Variants in MOGAT2 observed in about 807,000 individuals in gnomAD.
MOGAT2 encodes the protein monoacylglycerol O-acyltransferase 2, also known as 2-acylglycerol O-acyltransferase 2.
MOGAT2 carries 27 observed loss-of-function variants against 31.5 expected under a neutral mutation model. That is an observed-to-expected ratio of 0.86 (90% CI 0.63 to 1.18). MOGAT2 has a LOEUF of 1.18. Among genes scored for constraint, MOGAT2 ranks in the 50% most tolerant of loss-of-function variants. MOGAT2 has a pLI of 0.00. For missense variants in MOGAT2, 436 were observed against 433.2 expected (o/e 1.01, Z -0.06); for synonymous variants, 163 against 170.0 (o/e 0.96, Z 0.32).
rs56400236 is a variant in MOGAT2, at chr11:75,725,547, CATAA to C, written c.271-1857_271-1854del. On this transcript the variant is annotated intron_variant, in intron 2 of 5. Transcript: ENST00000198801. ...TGGGCAACAGAGTGAGACTCTGTCTCATAAATAAATAAATAAATAAATAAATAAA... is the reference window on the plus strand; with the variant it reads ...TGGGCAACAGAGTGAGACTCTGTCTCATAAATAAATAAATAAATAAATAAA... Among the ~76,000 whole-genome samples the C allele has an allele frequency of 5.2e-3, 768 of 146,586 alleles. 6 individuals are homozygous for C. Among genetic ancestry groups the C allele is most frequent in the African/African-American group, 0.017 (676 of 39,212 alleles).
Position 75,732,605 on chromosome 11 carries a change from T to G in MOGAT2, c.*1319T>G, listed in dbSNP as rs1316777415. On this transcript the variant is annotated 3_prime_UTR_variant, in exon 6 of 6. Transcript: ENST00000198801. The stretch of plus-strand genomic sequence containing the variant: ...ATCACTCGGAACCATTTGCATTTCT[T>G]TGTCTCAGCTATATTGTCTCACCTC... 1 of 152,350 alleles carries G rather than the reference T, an allele frequency of 6.6e-6. No homozygotes were observed. Among genetic ancestry groups the G allele is most frequent in the Non-Finnish European group, 1.5e-5 (1 of 68,128 alleles). The allele number at this position is 152,350 out of a possible 1,614,324, so 9.4% of individuals were successfully genotyped here.
At chr11:75,729,020 G>T in intron 5 of MOGAT2, 31 bp downstream of exon 5, 1 of 1,607,700 alleles carries the variant, frequency 6.2e-7, no homozygotes, top group Non-Finnish European at 8.5e-7. Context: ...GGAGGGAGGA[G>T]GCCAAAGGGA....
chr11:75,731,367 A>G lies in MOGAT2; in HGVS notation c.*81A>G. Reference sequence around the variant, plus strand: ...GACTTCCTGGAGGTGTTTGTTGAACATATCTGCAGAGCCTTCCCAGACTCC... The same window carrying G: ...GACTTCCTGGAGGTGTTTGTTGAACGTATCTGCAGAGCCTTCCCAGACTCC... On this transcript the variant is annotated 3_prime_UTR_variant, in exon 6 of 6. Transcript: ENST00000198801. 6.7e-7 allele frequency: 1 copy of G among 1,502,922 alleles called. No homozygotes were observed. The highest frequency in any genetic ancestry group is 9.0e-7 in the Non-Finnish European group (1 of 1,109,180). The allele number at this position is 1,502,922 out of a possible 1,614,324, so 93.1% of individuals were successfully genotyped here. A position where few individuals can be genotyped will look rare whatever the true frequency, so the allele number is the denominator to read the frequency against.
Position 75,720,031 on chromosome 11 carries a change from C to G in MOGAT2, c.131C>G (p.Thr44Arg). 6.2e-7 allele frequency: 1 copy of G among 1,614,142 alleles called. No homozygotes were observed. The highest frequency in any genetic ancestry group is 8.5e-7 in the Non-Finnish European group (1 of 1,180,044). ...CTVGFIALLF[T>R]RFWLLTVLYA... ...GTGGGCTTCATAGCCCTCCTGTTTACAAGATTCTGGCTCCTCACTGTCCTG... is the reference window on the plus strand; with the variant it reads ...GTGGGCTTCATAGCCCTCCTGTTTAGAAGATTCTGGCTCCTCACTGTCCTG... The change falls in exon 2 of 6, where the codon ACA becomes AGA. Residue 44 changes from threonine to arginine, a missense_variant. Thr to Arg is a moderately conservative substitution (Grantham distance 71). Coordinates refer to ENST00000198801, the MANE Select transcript of MOGAT2 (RefSeq NM_025098.4).
At chr11:75,730,774 T>G (rs1689002141) in intron 5 of MOGAT2, among the ~76,000 whole-genome samples, 1 of 151,782 alleles carries the variant, frequency 6.6e-6, no homozygotes, top group Admixed American at 6.6e-5. Flanking sequence ...CTGGGCATGG[T>G]GGCGCATGCC....
intron 2 of MOGAT2, among the ~76,000 whole-genome samples, chr11:75,726,246 G>A (rs545550077): frequency 1.2e-4 from 19 of 152,266 alleles, no homozygotes; most frequent in Admixed American, 2.6e-4. Context: ...AAGGCCTGGC[G>A]AGGGGAAGCA....
intron 2 of MOGAT2, among the ~76,000 whole-genome samples, chr11:75,723,296 C>T (rs1166672907): frequency 3.9e-5 from 6 of 151,962 alleles, no homozygotes; most frequent in African/African-American, 1.5e-4. Flanking sequence ...GATCCTTCCT[C>T]ACCGCAGGCC....
intron 3 of MOGAT2, 74 bp from the exon 4 acceptor site, chr11:75,727,896 C>G: frequency 2.8e-6 from 4 of 1,452,148 alleles, no homozygotes; most frequent in East Asian, 2.3e-5. Context: ...CTGGTGATCT[C>G]TTTATGGGCT....
intron 1 of MOGAT2, among the ~76,000 whole-genome samples, chr11:75,718,525 G>A (rs1944349559): frequency 6.6e-6 from 1 of 152,172 alleles, no homozygotes; most frequent in Non-Finnish European, 1.5e-5. Flanking sequence ...GCCAGCCCAT[G>A]CCTGACCTCT....
At chr11:75,729,565 G>A (rs764829590) in intron 5 of MOGAT2, among the ~76,000 whole-genome samples, 2 of 151,320 alleles carry the variant, frequency 1.3e-5, no homozygotes, top group African/African-American at 4.9e-5. Flanking sequence ...ATGAGCCACC[G>A]CGCCTGGCCA....
intron 1 of MOGAT2, among the ~76,000 whole-genome samples, chr11:75,718,864 T>C (rs191026400): frequency 2.0e-5 from 3 of 152,282 alleles, no homozygotes; most frequent in Admixed American, 1.3e-4. Flanking sequence ...AGGTAGGAAC[T>C]GCTGCTTCCA....
At chr11:75,728,711 T>A in intron 4 of MOGAT2, 79 bp from the exon 5 acceptor site, 1 of 1,273,642 alleles carries the variant, frequency 7.9e-7, no homozygotes. Context: ...ACTGAGTCCC[T>A]GCAGGAAGCT....
chr11:75,722,377 A>T (rs1362637064), intron 2 of MOGAT2, among the ~76,000 whole-genome samples: 1 of 152,188 alleles, frequency 6.6e-6, no homozygotes, highest in East Asian at 1.9e-4. Flanking sequence ...TGTGTGTGAC[A>T]TCAGGGACCA....
intron 4 of MOGAT2, 102 bp from the exon 5 acceptor site, chr11:75,728,688 C>A: frequency 9.8e-7 from 1 of 1,019,718 alleles, no homozygotes; most frequent in South Asian, 1.4e-5. Context: ...GACCTCTGCT[C>A]CATTTCTTGG....
chr11:75,723,730 T>C (rs1184848399), intron 2 of MOGAT2, among the ~76,000 whole-genome samples: 1 of 152,152 alleles, frequency 6.6e-6, no homozygotes, highest in African/African-American at 2.4e-5. Flanking sequence ...TGTCATACTT[T>C]AAACGGATGC....
At chr11:75,723,899 G>C (rs999345924) in intron 2 of MOGAT2, among the ~76,000 whole-genome samples, 1 of 152,042 alleles carries the variant, frequency 6.6e-6, no homozygotes, top group African/African-American at 2.4e-5. Flanking sequence ...ATCTATCTTC[G>C]CTTAGTCACA....
At chr11:75,723,298 C>T (rs1475334002) in intron 2 of MOGAT2, among the ~76,000 whole-genome samples, 2 of 152,088 alleles carry the variant, frequency 1.3e-5, no homozygotes, top group Non-Finnish European at 2.9e-5. Context: ...TCCTTCCTCA[C>T]CGCAGGCCCT....
At chr11:75,718,300 C>T (rs1238914) in intron 1 of MOGAT2, among the ~76,000 whole-genome samples, 64,670 of 151,966 alleles carry the variant, frequency 0.43, 14,139 homozygotes, top group Non-Finnish European at 0.47. Context: ...TGGGCGATGA[C>T]GGGAAAGTTC....
At chr11:75,723,013 A>G (rs1352613928) in intron 2 of MOGAT2, among the ~76,000 whole-genome samples, 4 of 152,098 alleles carry the variant, frequency 2.6e-5, no homozygotes, top group Admixed American at 1.3e-4. Context: ...CCAGTCTGGA[A>G]TGCAGTGGCG....
Sources: gnomAD v4.1 joint callset for allele counts (sites outside exome capture counted in the v4.1 genomes callset) on GRCh38, gnomAD v4.1.1 for gene constraint, MANE v1.5 for transcripts, NCBI Gene and HGNC (gene_info 2026-07-23, HGNC 2026-07-21) for gene names.